Variants in OMA1 observed in about 807,000 individuals in gnomAD.
The protein encoded by OMA1 is metalloendopeptidase OMA1, mitochondrial.
A neutral mutation model predicts 30.9 loss-of-function variants in OMA1; 38 were observed. The ratio of observed to expected loss-of-function variants is 1.23; its 90% CI spans 0.95 to 1.61. The LOEUF is 1.61. OMA1 is among the 40% of genes most tolerant of loss of function. The pLI, the probability that OMA1 is intolerant of heterozygous loss-of-function variation, is 0.00. For synonymous variants in OMA1, 173 were observed against 121.9 expected (o/e 1.42, Z -2.76); for missense variants, 461 against 349.2 (o/e 1.32, Z -2.55).
At chr1:58,488,086 T>C (rs1287550638) in intron 8 of OMA1, among the ~76,000 whole-genome samples, 1 of 152,182 alleles carries the variant, frequency 6.6e-6, no homozygotes, top group African/African-American at 2.4e-5. Context: ...TTTTCTAATA[T>C]AGACATTTAA....
intron 8 of OMA1, among the ~76,000 whole-genome samples, chr1:58,491,446 T>C (rs191662157): frequency 0.017 from 2,532 of 152,180 alleles, 55 homozygotes; most frequent in East Asian, 0.12. Flanking sequence ...GGCTAAATGT[T>C]CCAATCAAAA....
intron 8 of OMA1, among the ~76,000 whole-genome samples, chr1:58,501,050 G>C (rs1055483207): frequency 3.3e-5 from 5 of 152,100 alleles, no homozygotes; most frequent in Non-Finnish European, 4.4e-5. Flanking sequence ...CACCCAAGTT[G>C]TTATGATAAC....
At chr1:58,541,293 C>CAAAA (rs71043292) in intron 1 of OMA1, among the ~76,000 whole-genome samples, 8 of 27,566 alleles carry the variant, frequency 2.9e-4, no homozygotes, top group Non-Finnish European at 5.4e-4. Flanking sequence ...GACTCTGTCT[C>CAAAA]AAAAAAAAAA....
intron 7 of OMA1, among the ~76,000 whole-genome samples, chr1:58,507,176 T>G (rs966429451): frequency 1.3e-5 from 2 of 151,942 alleles, no homozygotes; most frequent in Non-Finnish European, 2.9e-5. Flanking sequence ...TTTTATTAAT[T>G]TGTTCAATTT....
chr1:58,545,531 C>G (rs959247262), intron 1 of OMA1, among the ~76,000 whole-genome samples: 2 of 152,030 alleles, frequency 1.3e-5, no homozygotes, highest in Non-Finnish European at 2.9e-5. Flanking sequence ...TCAGGGCTGA[C>G]ATATTCTCTT....
chr1:58,488,046 G>A (rs372538928), intron 8 of OMA1, among the ~76,000 whole-genome samples: 1 of 151,972 alleles, frequency 6.6e-6, no homozygotes, highest in Admixed American at 6.6e-5. Flanking sequence ...CCCTATTTGA[G>A]ACATTTATAG....
At chr1:58,545,811 C>T (rs1259749202) in intron 1 of OMA1, among the ~76,000 whole-genome samples, 4 of 152,164 alleles carry the variant, frequency 2.6e-5, no homozygotes, top group African/African-American at 9.7e-5. Context: ...AAAAATAGGA[C>T]ATGTACTTTA....
intron 7 of OMA1, among the ~76,000 whole-genome samples, chr1:58,518,100 C>T (rs528148646): frequency 2.9e-4 from 44 of 150,302 alleles, no homozygotes; most frequent in Non-Finnish European, 4.9e-4. Flanking sequence ...GCAGGAGAAT[C>T]GCTTGAACAC....
At chr1:58,545,976 T>C (rs1330235390) in intron 1 of OMA1, among the ~76,000 whole-genome samples, 2 of 152,136 alleles carry the variant, frequency 1.3e-5, no homozygotes, top group Non-Finnish European at 2.9e-5. Context: ...TTAGCGAGGG[T>C]TGCACGACCT....
intron 8 of OMA1, among the ~76,000 whole-genome samples, chr1:58,501,749 A>G (rs1275874245): frequency 6.6e-6 from 1 of 152,146 alleles, no homozygotes; most frequent in East Asian, 1.9e-4. Context: ...CTAAGGACTC[A>G]TGTGTTCCTC....
At chr1:58,524,747 GA>G (rs1305021545) in intron 7 of OMA1, among the ~76,000 whole-genome samples, 2 of 152,128 alleles carry the variant, frequency 1.3e-5, no homozygotes, top group Non-Finnish European at 2.9e-5. Flanking sequence ...TACTTCCTGG[GA>G]ACATTTCCAG....
intron 8 of OMA1, among the ~76,000 whole-genome samples, chr1:58,492,694 C>G (rs1409859847): frequency 6.6e-6 from 1 of 152,158 alleles, no homozygotes; most frequent in African/African-American, 2.4e-5. Context: ...TGGACACATA[C>G]AGTCTCCCAA....
In OMA1 at chr1:58,543,003, G is replaced by A. The variant is rs376560087; in HGVS notation, c.-16-3693C>T. Reference sequence around the variant, plus strand: ...AAAAAGCTTTTTTAAAAAAAAAAAAGTGGATCCACAGAAAAGACAATGGAC... The same window carrying A: ...AAAAAGCTTTTTTAAAAAAAAAAAAATGGATCCACAGAAAAGACAATGGAC... On this transcript the variant is annotated intron_variant, in intron 1 of 8. Transcript: ENST00000371226. 2.7e-5 allele frequency among the ~76,000 whole-genome samples: 4 copies of A among 149,604 alleles called. No individual in the cohort carries two copies. In the South Asian group the frequency reaches 8.5e-4, roughly 32 times the overall value.
chr1:58,495,102 A>G (rs975280506), intron 8 of OMA1, among the ~76,000 whole-genome samples: 1 of 152,204 alleles, frequency 6.6e-6, no homozygotes, highest in East Asian at 1.9e-4. Flanking sequence ...AAAAAGGATG[A>G]GTTCATGTCC....
intron 5 of OMA1, among the ~76,000 whole-genome samples, chr1:58,531,544 A>G (rs1434528745): frequency 6.6e-6 from 1 of 152,242 alleles, no homozygotes; most frequent in Non-Finnish European, 1.5e-5. Flanking sequence ...CTGATAAAAT[A>G]GCAGTCATTA....
chr1:58,495,233 C>T (rs983833677), intron 8 of OMA1, among the ~76,000 whole-genome samples: 2 of 152,008 alleles, frequency 1.3e-5, no homozygotes, highest in African/African-American at 4.8e-5. Context: ...AACACATGGA[C>T]ACAGGAAGGG....
chr1:58,506,881 G>A (rs945884910), intron 7 of OMA1, among the ~76,000 whole-genome samples: 13 of 151,838 alleles, frequency 8.6e-5, no homozygotes, highest in African/African-American at 3.1e-4. Context: ...CCTTATAAAA[G>A]TACAATATAA....
intron 1 of OMA1, among the ~76,000 whole-genome samples, chr1:58,544,558 C>T (rs1021842061): frequency 1.3e-5 from 2 of 152,082 alleles, no homozygotes; most frequent in Non-Finnish European, 2.9e-5. Context: ...CTTTTTTAAA[C>T]CTCCACTCAG....
intron 7 of OMA1, among the ~76,000 whole-genome samples, chr1:58,519,868 G>T (rs1646234145): frequency 6.6e-6 from 1 of 152,134 alleles, no homozygotes; most frequent in Non-Finnish European, 1.5e-5. Context: ...GGAATGAAAA[G>T]ACAAAGTAAC....
Sources: gnomAD v4.1 joint callset for allele counts (sites outside exome capture counted in the v4.1 genomes callset) on GRCh38, gnomAD v4.1.1 for gene constraint, MANE v1.5 for transcripts, NCBI Gene and HGNC (gene_info 2026-07-23, HGNC 2026-07-21) for gene names.